Variants in KCNH8 observed in about 807,000 individuals in gnomAD.
KCNH8 encodes the protein voltage-gated delayed rectifier potassium channel KCNH8.
Under a neutral mutation model 103.6 loss-of-function variants are expected in KCNH8, and 70 were observed. The ratio of observed to expected loss-of-function variants is 0.68; its 90% CI spans 0.56 to 0.82. The LOEUF (loss-of-function observed/expected upper bound fraction) is 0.82. Ranked by LOEUF, KCNH8 falls within the 40% of genes least tolerant of loss-of-function variation. The pLI is 0.00. For synonymous variants in KCNH8, 498 were observed against 489.4 expected (o/e 1.02, Z -0.23); for missense variants, 1,217 against 1,329.9 (o/e 0.92, Z 1.32).
rs184882427 is a variant in KCNH8, at chr3:19,439,835, G to A, written c.1375+1474G>A. On this transcript the variant is annotated intron_variant, in intron 8 of 15. Transcript: ENST00000328405. The stretch of plus-strand genomic sequence containing the variant: ...TTATGCACAAAGATAAAATTGAAGA[G>A]AAAAAAGGGAATAGATATTGCAAAG... 1.4e-3 allele frequency among the ~76,000 whole-genome samples: 207 copies of A among 151,244 alleles called. 1 individual carries two copies. The highest frequency in any genetic ancestry group is 3.4e-3 in the Middle Eastern group (1 of 292).
intron 4 of KCNH8, among the ~76,000 whole-genome samples, chr3:19,343,409 T>C (rs1171020723): frequency 6.6e-6 from 1 of 152,132 alleles, no homozygotes; most frequent in Non-Finnish European, 1.5e-5. Flanking sequence ...CACTGAATTT[T>C]GTAATTGGTT....
At chr3:19,357,042 C>T (rs556278729) in intron 5 of KCNH8, among the ~76,000 whole-genome samples, 1 of 151,830 alleles carries the variant, frequency 6.6e-6, no homozygotes, top group Non-Finnish European at 1.5e-5. Flanking sequence ...GCAGTATGCC[C>T]AGATTCAGGG....
chr3:19,304,856 A>C (rs999509900), intron 3 of KCNH8, among the ~76,000 whole-genome samples: 3 of 152,080 alleles, frequency 2.0e-5, no homozygotes, highest in African/African-American at 7.2e-5. Flanking sequence ...ATATCTATCA[A>C]TTTAAAGGCA....
At chr3:19,521,489 T>C (rs1185072375) in intron 15 of KCNH8, among the ~76,000 whole-genome samples, 1 of 151,926 alleles carries the variant, frequency 6.6e-6, no homozygotes, top group Admixed American at 6.6e-5. Flanking sequence ...TCCATCCTCA[T>C]ACAAGGTTAT....
chr3:19,442,428 C>T (rs542443407), intron 8 of KCNH8, among the ~76,000 whole-genome samples: 1 of 152,190 alleles, frequency 6.6e-6, no homozygotes, highest in African/African-American at 2.4e-5. Context: ...TCTATTGATC[C>T]ACTTACTGTA....
intron 11 of KCNH8, among the ~76,000 whole-genome samples, chr3:19,473,960 C>T (rs1263637449): frequency 6.6e-6 from 1 of 151,978 alleles, no homozygotes. Context: ...GCTTTTTGTC[C>T]AGGATTTTAA....
chr3:19,210,862 A>G (rs2063764403), intron 1 of KCNH8, among the ~76,000 whole-genome samples: 1 of 152,162 alleles, frequency 6.6e-6, no homozygotes, highest in African/African-American at 2.4e-5. Context: ...TTGGACCCTG[A>G]AAGTATGATG....
chr3:19,272,964 T>C (rs904090675), intron 2 of KCNH8, among the ~76,000 whole-genome samples: 1 of 152,216 alleles, frequency 6.6e-6, no homozygotes, highest in African/African-American at 2.4e-5. Flanking sequence ...CAGTTAACAA[T>C]AGTGCCTGCC....
intron 4 of KCNH8, among the ~76,000 whole-genome samples, chr3:19,347,049 A>G (rs1319228516): frequency 6.6e-6 from 1 of 152,080 alleles, no homozygotes; most frequent in African/African-American, 2.4e-5. Context: ...GACTTGACTA[A>G]TAACTCTTAA....
chr3:19,440,145 A>C (rs892934302), intron 8 of KCNH8, among the ~76,000 whole-genome samples: 2 of 151,848 alleles, frequency 1.3e-5, no homozygotes, highest in Non-Finnish European at 2.9e-5. Flanking sequence ...TTTTAATAAG[A>C]GTCAGCAGAT....
At position 19,286,122 on chromosome 3, in the gene KCNH8, G is replaced by C. The variant is rs1023842988; in HGVS notation, c.442+4793G>C. The stretch of plus-strand genomic sequence containing the variant: ...TTAGGTGGTATGCAGATATATTTCA[G>C]AGTTAGAACAGCTTGGCCTTGACAT... On this transcript the variant is annotated intron_variant, in intron 3 of 15. Coordinates refer to ENST00000328405, the MANE Select transcript of KCNH8 (RefSeq NM_144633.3). Among the ~76,000 whole-genome samples the C allele has an allele frequency of 2.6e-5, 4 of 152,130 alleles. No individual in the cohort carries two copies. In the East Asian group the frequency reaches 5.8e-4, roughly 22 times the overall value.
At chr3:19,412,717 A>G (rs973311195) in intron 7 of KCNH8, among the ~76,000 whole-genome samples, 1 of 152,062 alleles carries the variant, frequency 6.6e-6, no homozygotes, top group African/African-American at 2.4e-5. Flanking sequence ...AAAATGAGCA[A>G]AAGACATGAA....
chr3:19,508,828 G>C (rs1331345245), intron 11 of KCNH8, among the ~76,000 whole-genome samples: 2 of 152,090 alleles, frequency 1.3e-5, no homozygotes, highest in African/African-American at 4.8e-5. Context: ...ATGACTCTGG[G>C]ATTCAGCAAC....
chr3:19,435,119 G>C (rs934014078), intron 7 of KCNH8, among the ~76,000 whole-genome samples: 1 of 152,062 alleles, frequency 6.6e-6, no homozygotes, highest in South Asian at 2.1e-4. Context: ...ATTTCATAAC[G>C]TATATGTATA....
At chr3:19,474,368 T>C (rs1175410903) in intron 11 of KCNH8, among the ~76,000 whole-genome samples, 1 of 152,154 alleles carries the variant, frequency 6.6e-6, no homozygotes, top group East Asian at 1.9e-4. Context: ...GCCTCCAGTT[T>C]GATCAGATTC....
intron 11 of KCNH8, among the ~76,000 whole-genome samples, chr3:19,457,503 A>G (rs1181091270): frequency 6.6e-6 from 1 of 152,092 alleles, no homozygotes; most frequent in Middle Eastern, 3.2e-3. Context: ...ATTTTATGCA[A>G]TTATATATTT....
intron 1 of KCNH8, among the ~76,000 whole-genome samples, chr3:19,237,705 A>G (rs1006241959): frequency 1.4e-4 from 21 of 152,230 alleles, no homozygotes; most frequent in African/African-American, 4.8e-4. Flanking sequence ...AAATCTGTGC[A>G]GTTAGTATAT....
Position 19,281,198 on chromosome 3 carries a change from G to C in KCNH8, c.311G>C (p.Gly104Ala). Residue 104 changes from glycine (G) to alanine (A), a missense_variant and splice_region_variant, in exon 3 of 16, where the codon GGG becomes GCG. Around this residue, in one of 3 missense-constraint regions of KCNH8, gnomAD observed 244 missense variants for 256.8 expected, o/e 0.95. Transcript: ENST00000328405. ...KGEIMFYKKN[G>A]SPFWCLLDIV... is the part of the protein sequence containing the mutation. ...TATTTTTTTTTCTTTACTGTTGCAG[G>C]GTCTCCATTTTGGTGCCTACTGGAT... is the stretch of plus-strand genomic sequence containing the variant. The C allele has an allele frequency of 6.2e-7, 1 of 1,608,350 alleles. No homozygotes were observed. The highest frequency in any genetic ancestry group is 1.3e-5 in the African/African-American group (1 of 74,624).
At chr3:19,421,640 G>A (rs1480493020) in intron 7 of KCNH8, among the ~76,000 whole-genome samples, 2 of 151,820 alleles carry the variant, frequency 1.3e-5, no homozygotes, top group Non-Finnish European at 2.9e-5. Context: ...GATACACTGA[G>A]CTTTTTTTTA....
Sources: gnomAD v4.1 joint callset for allele counts (sites outside exome capture counted in the v4.1 genomes callset) on GRCh38, gnomAD v4.1.1 for gene constraint, gnomAD v4.1.1 regional missense constraint, MANE v1.5 for transcripts, NCBI Gene and HGNC (gene_info 2026-07-23, HGNC 2026-07-21) for gene names.